FHOD3: variants seen among roughly 807,000 people sequenced by gnomAD.
The protein encoded by FHOD3 is FH1/FH2 domain-containing protein 3.
Under a neutral mutation model 173.0 loss-of-function variants are expected in FHOD3, and 90 were observed. The observed-to-expected ratio is 0.52, with a 90% confidence interval of 0.44 to 0.62. FHOD3 has a LOEUF of 0.62. Among genes scored for constraint, FHOD3 ranks in the 20% least tolerant of loss-of-function variants. The pLI, the probability that FHOD3 is intolerant of heterozygous loss-of-function variation, is 0.00. For synonymous variants in FHOD3, 828 were observed against 823.0 expected, an observed-to-expected ratio of 1.01 and a Z score of -0.10; for missense variants, 1,945 against 2,034.7, an observed-to-expected ratio of 0.96 and a Z score of 0.85.
chr18:36,647,524 A>AT (rs2035772542), intron 10 of FHOD3, among the ~76,000 whole-genome samples: 2 of 146,442 alleles, frequency 1.4e-5, no homozygotes, highest in East Asian at 3.9e-4. Flanking sequence ...TCATCCCATC[A>AT]TTTTTTTAAA....
chr18:36,650,171 CACTTA>C (rs1055256300), intron 11 of FHOD3, among the ~76,000 whole-genome samples: 2 of 151,876 alleles, frequency 1.3e-5, no homozygotes, highest in Non-Finnish European at 2.9e-5. Context: ...TGGTTTTCTT[CACTTA>C]ATTGATTGCC....
chr18:36,373,841 A>G (rs1472185270), intron 3 of FHOD3, among the ~76,000 whole-genome samples: 1 of 152,136 alleles, frequency 6.6e-6, no homozygotes, highest in Non-Finnish European at 1.5e-5. Context: ...CTTTTTTATT[A>G]CCTGCTTCGT....
chr18:36,774,046 C>T (rs1424219894), intron 28 of FHOD3, among the ~76,000 whole-genome samples: 1 of 152,214 alleles, frequency 6.6e-6, no homozygotes, highest in Non-Finnish European at 1.5e-5. Flanking sequence ...CCTTTCCTTT[C>T]TATCCTTAGT....
chr18:36,454,263 G>A (rs2052034948), intron 3 of FHOD3, among the ~76,000 whole-genome samples: 1 of 151,662 alleles, frequency 6.6e-6, no homozygotes, highest in Non-Finnish European at 1.5e-5. Flanking sequence ...CATACACAGG[G>A]GCACACACAC....
At chr18:36,644,955 G>A (rs551286758) in intron 10 of FHOD3, among the ~76,000 whole-genome samples, 4 of 152,288 alleles carry the variant, frequency 2.6e-5, no homozygotes, top group South Asian at 2.1e-4. Flanking sequence ...GAGGCCCATC[G>A]GTTGGCAAGG....
chr18:36,436,738 G>A (rs12965996), intron 3 of FHOD3, among the ~76,000 whole-genome samples: 76,052 of 151,968 alleles, frequency 0.5, 19,197 homozygotes, highest in South Asian at 0.54. Flanking sequence ...TTTAAATTTA[G>A]CCGTAACTGC....
At chr18:36,596,281 A>T (rs1451249070) in intron 7 of FHOD3, among the ~76,000 whole-genome samples, 2 of 131,976 alleles carry the variant, frequency 1.5e-5, no homozygotes, top group East Asian at 4.5e-4. Context: ...CAGCCTCCCG[A>T]GTGGCTGGGA....
At chr18:36,464,418 G>T (rs1183759988) in intron 3 of FHOD3, among the ~76,000 whole-genome samples, 2 of 152,114 alleles carry the variant, frequency 1.3e-5, no homozygotes, top group African/African-American at 2.4e-5. Flanking sequence ...TACTTCTAAG[G>T]CTTGGTATGC....
chr18:36,481,058 A>C (rs1221995585), intron 3 of FHOD3, among the ~76,000 whole-genome samples: 1 of 139,420 alleles, frequency 7.2e-6, no homozygotes, highest in Admixed American at 7.5e-5. Flanking sequence ...TAAAGAGCAT[A>C]ACTCATTTTT....
At chr18:36,615,871 G>C (rs2033148529) in intron 9 of FHOD3, among the ~76,000 whole-genome samples, 1 of 152,212 alleles carries the variant, frequency 6.6e-6, no homozygotes, top group Admixed American at 6.5e-5. Context: ...TTGAGGAATA[G>C]AACAGAATTA....
intron 14 of FHOD3, among the ~76,000 whole-genome samples, chr18:36,669,145 A>T (rs2149300749): frequency 6.6e-6 from 1 of 152,020 alleles, no homozygotes; most frequent in East Asian, 1.9e-4. Flanking sequence ...CTCTTTTATT[A>T]GGTGCATAAA....
intron 14 of FHOD3, among the ~76,000 whole-genome samples, chr18:36,673,447 A>G (rs190353801): frequency 3.3e-5 from 5 of 152,270 alleles, no homozygotes; most frequent in Admixed American, 2.6e-4. Flanking sequence ...TTGAATTCCT[A>G]TGAGAAAAAA....
At position 36,742,758 on chromosome 18, in the gene FHOD3, G is replaced by A. The variant is rs768523082; in HGVS notation, c.3781G>A (p.Asp1261Asn). 1 of 1,613,786 alleles carries A rather than the reference G, an allele frequency of 6.2e-7. No individual in the cohort carries two copies. The part of the protein sequence containing the change: ...TEKEVAEPLL[D>N]LKEGIDQLEN... Reference sequence around the variant, plus strand: ...AAAGGAAGTAGCAGAACCACTCCTGGACCTGAAGGAAGGAATAGACCAGTT... The same window carrying A: ...AAAGGAAGTAGCAGAACCACTCCTGAACCTGAAGGAAGGAATAGACCAGTT... The change falls in exon 22 of 29, where the codon GAC becomes AAC. Residue 1261 changes from aspartate (D) to asparagine (N), a missense_variant. Around this residue, in one of 5 missense-constraint regions of FHOD3, gnomAD observed 231 missense variants for 321.9 expected, o/e 0.72. Coordinates refer to ENST00000590592, the MANE Select transcript of FHOD3 (RefSeq NM_001281740.3).
intron 3 of FHOD3, among the ~76,000 whole-genome samples, chr18:36,430,965 A>G (rs2050514053): frequency 6.6e-6 from 1 of 152,220 alleles, no homozygotes; most frequent in African/African-American, 2.4e-5. Context: ...GGGCATACTC[A>G]ATACAACTTC....
At chr18:36,431,271 G>A (rs1404954763) in intron 3 of FHOD3, among the ~76,000 whole-genome samples, 1 of 152,142 alleles carries the variant, frequency 6.6e-6, no homozygotes, top group Non-Finnish European at 1.5e-5. Flanking sequence ...TCTGTTAAAG[G>A]GACATGGAGT....
chr18:36,433,503 C>T (rs544239200), intron 3 of FHOD3, among the ~76,000 whole-genome samples: 2 of 152,290 alleles, frequency 1.3e-5, no homozygotes, highest in South Asian at 4.2e-4. Flanking sequence ...TTCAATTCAA[C>T]ACGTTAGGAT....
intron 7 of FHOD3, among the ~76,000 whole-genome samples, chr18:36,599,128 G>A (rs2030963485): frequency 6.6e-6 from 1 of 152,142 alleles, no homozygotes; most frequent in South Asian, 2.1e-4. Context: ...TCTTCCCTGT[G>A]GTGGTTGACA....
At chr18:36,482,352 G>A (rs140276481) in intron 3 of FHOD3, among the ~76,000 whole-genome samples, 26 of 152,332 alleles carry the variant, frequency 1.7e-4, no homozygotes, top group Non-Finnish European at 2.6e-4. Context: ...TTGGGTGCAC[G>A]TCTGAGATTT....
At chr18:36,494,591 T>A (rs909647433) in intron 3 of FHOD3, among the ~76,000 whole-genome samples, 1 of 152,212 alleles carries the variant, frequency 6.6e-6, no homozygotes, top group African/African-American at 2.4e-5. Context: ...GTACTTAACC[T>A]AAAAGTAAGG....
Sources: gnomAD v4.1 joint callset for allele counts (sites outside exome capture counted in the v4.1 genomes callset) on GRCh38, gnomAD v4.1.1 for gene constraint, gnomAD v4.1.1 regional missense constraint, MANE v1.5 for transcripts, NCBI Gene and HGNC (gene_info 2026-07-23, HGNC 2026-07-21) for gene names.